The following CACNA2D1 variants were observed in gnomAD, a reference collection of about 807,000 sequenced individuals.
CACNA2D1 encodes the protein voltage-dependent calcium channel subunit alpha-2/delta-1.
Under a neutral mutation model 171.5 loss-of-function variants are expected in CACNA2D1, and 53 were observed. That is an observed-to-expected ratio of 0.31 (90% CI 0.25 to 0.39). The LOEUF is 0.39. CACNA2D1 is among the 10% of genes least tolerant of loss of function. The pLI, the probability that CACNA2D1 is intolerant of heterozygous loss-of-function variation, is 1.00. For missense variants in CACNA2D1, 903 were observed against 1,299.8 expected (o/e 0.69, Z 4.69); for synonymous variants, 442 against 443.1 (o/e 1.00, Z 0.03).
At chr7:82,238,292 A>G (rs1047662019) in intron 3 of CACNA2D1, among the ~76,000 whole-genome samples, 5 of 152,036 alleles carry the variant, frequency 3.3e-5, no homozygotes, top group African/African-American at 1.2e-4. Context: ...TGACGCCTCA[A>G]TTTGTGAACC....
chr7:82,079,134 T>G (rs974246505), intron 7 of CACNA2D1, among the ~76,000 whole-genome samples: 3 of 152,210 alleles, frequency 2.0e-5, no homozygotes, highest in African/African-American at 7.2e-5. Flanking sequence ...AAGTCAGTGT[T>G]TCTATGTATT....
chr7:82,202,275 G>A (rs1012539680), intron 3 of CACNA2D1, among the ~76,000 whole-genome samples: 2 of 152,112 alleles, frequency 1.3e-5, no homozygotes, highest in East Asian at 3.9e-4. Flanking sequence ...AATTCCCTAC[G>A]ATTCCTCAAG....
intron 7 of CACNA2D1, among the ~76,000 whole-genome samples, chr7:82,077,429 A>G (rs1584657006): frequency 1.3e-5 from 2 of 152,300 alleles, no homozygotes; most frequent in South Asian, 4.1e-4. Flanking sequence ...CACAAGTAAC[A>G]ACAATAGACT....
At chr7:82,128,109 T>C (rs1327197900) in intron 5 of CACNA2D1, among the ~76,000 whole-genome samples, 1 of 151,748 alleles carries the variant, frequency 6.6e-6, no homozygotes, top group African/African-American at 2.4e-5. Flanking sequence ...TTTTTTTTTT[T>C]TGTAGAGACA....
intron 32 of CACNA2D1, among the ~76,000 whole-genome samples, chr7:81,964,645 A>AGG (rs1794507303): frequency 6.6e-6 from 1 of 151,920 alleles, no homozygotes; most frequent in Non-Finnish European, 1.5e-5. Context: ...CCAGATGAAT[A>AGG]AAACAGGGCC....
At chr7:82,082,060 A>C (rs933291249) in intron 7 of CACNA2D1, among the ~76,000 whole-genome samples, 2 of 152,112 alleles carry the variant, frequency 1.3e-5, no homozygotes, top group Non-Finnish European at 2.9e-5. Context: ...CATGCTAATT[A>C]GTTCTTTAAG....
chr7:82,024,542 C>T (rs1209197481), intron 12 of CACNA2D1, among the ~76,000 whole-genome samples: 1 of 151,804 alleles, frequency 6.6e-6, no homozygotes, highest in South Asian at 2.1e-4. Context: ...ATTTTGTATA[C>T]TAACCCCTTA....
chr7:82,098,639 A>G lies in CACNA2D1; in HGVS notation c.527-13739T>C, dbSNP rs190926719. ...CTCAAGAGACTGAGGCTTGATGATT[A>G]CATGGTCTTATAAGGCCATAAAGTT... On this transcript the variant is annotated intron_variant, in intron 6 of 38. Transcript: ENST00000356860. Among the ~76,000 whole-genome samples, 1,446 of 152,272 alleles carry G rather than the reference A, an allele frequency of 9.5e-3. 20 individuals are homozygous for G. Among genetic ancestry groups the G allele is most frequent in the African/African-American group, 0.033 (1,375 of 41,548 alleles).
chr7:82,366,455 A>G (rs1296420671), intron 1 of CACNA2D1, among the ~76,000 whole-genome samples: 3 of 152,124 alleles, frequency 2.0e-5, no homozygotes, highest in Admixed American at 6.6e-5. Context: ...CCTCCCACTT[A>G]TATCAGTGAA....
At position 82,413,756 on chromosome 7, in the gene CACNA2D1, G is replaced by A. The variant is rs536669971; in HGVS notation, c.95+29609C>T. On this transcript the variant is annotated intron_variant, in intron 1 of 38. Coordinates refer to ENST00000356860, the MANE Select transcript of CACNA2D1 (RefSeq NM_000722.4). ...ATCTAAGAAACAATCTTGTTCTATT[G>A]GCTTTGTTTCTTCAGAGACTAAATA... Among the ~76,000 whole-genome samples the A allele has an allele frequency of 3.3e-5, 5 of 152,020 alleles. No individual in the cohort carries two copies. In the East Asian group the frequency reaches 9.7e-4, roughly 29 times the overall value.
intron 12 of CACNA2D1, among the ~76,000 whole-genome samples, chr7:82,015,601 ACCC>A: frequency 6.6e-6 from 1 of 152,116 alleles, no homozygotes; most frequent in South Asian, 2.1e-4. Flanking sequence ...ATCTAAGTAA[ACCC>A]ATACTCTCAG....
intron 1 of CACNA2D1, among the ~76,000 whole-genome samples, chr7:82,420,757 TTA>T (rs956427191): frequency 6.6e-6 from 1 of 152,126 alleles, no homozygotes; most frequent in Admixed American, 6.6e-5. Flanking sequence ...TAAATTTGTA[TTA>T]TGTTTTACGT....
chr7:81,979,524 A>G (rs1796230551), intron 24 of CACNA2D1, among the ~76,000 whole-genome samples: 1 of 152,176 alleles, frequency 6.6e-6, no homozygotes, highest in Non-Finnish European at 1.5e-5. Flanking sequence ...GGGAGAGACA[A>G]GGGAAGAAAC....
chr7:82,182,086 T>C (rs1451038589), intron 3 of CACNA2D1, among the ~76,000 whole-genome samples: 2 of 152,200 alleles, frequency 1.3e-5, no homozygotes, highest in Non-Finnish European at 2.9e-5. Flanking sequence ...TTTCCCTTCC[T>C]TTTTTCCTTT....
intron 3 of CACNA2D1, among the ~76,000 whole-genome samples, chr7:82,279,759 G>C (rs1233499001): frequency 2.0e-5 from 3 of 151,890 alleles, no homozygotes; most frequent in East Asian, 3.9e-4. Flanking sequence ...GAAAAAATTA[G>C]GTCTCCCTGA....
intron 3 of CACNA2D1, among the ~76,000 whole-genome samples, chr7:82,324,306 C>T (rs983955075): frequency 2.1e-5 from 3 of 144,936 alleles, no homozygotes; most frequent in Non-Finnish European, 4.5e-5. Flanking sequence ...TGCAGTGAGC[C>T]AAGATCGCGC....
rs576702226 is a variant in CACNA2D1 at position 81,947,255 on chromosome 7, G to T, written c.*3137C>A. 2 of 151,282 alleles carry T rather than the reference G, an allele frequency of 1.3e-5. No homozygotes were observed. The highest frequency in any genetic ancestry group is 4.2e-4 in the South Asian group (2 of 4,806). The allele number at this position is 151,282 out of a possible 1,614,324, so 9.4% of individuals were successfully genotyped here. ...AAAGGGATACTGCCTATTTGAACCC[G>T]ATAAGTCCAGTTTTAAAGTTAATAA... On this transcript the variant is annotated 3_prime_UTR_variant, in exon 39 of 39. Transcript: ENST00000356860.
intron 10 of CACNA2D1, among the ~76,000 whole-genome samples, chr7:82,052,675 T>C (rs1425096377): frequency 6.6e-6 from 1 of 152,144 alleles, no homozygotes; most frequent in Non-Finnish European, 1.5e-5. Flanking sequence ...CTAAAGATTA[T>C]AAATGCAAAT....
chr7:82,379,576 CTTG>C (rs1384823801), intron 1 of CACNA2D1, among the ~76,000 whole-genome samples: 1 of 152,130 alleles, frequency 6.6e-6, no homozygotes, highest in Non-Finnish European at 1.5e-5. Context: ...TGTGTCTATA[CTTG>C]TTGTCCTGGG....
Sources: gnomAD v4.1 joint callset for allele counts (sites outside exome capture counted in the v4.1 genomes callset) on GRCh38, gnomAD v4.1.1 for gene constraint, MANE v1.5 for transcripts, NCBI Gene and HGNC (gene_info 2026-07-23, HGNC 2026-07-21) for gene names.